The following NRXN1 variants were observed in gnomAD, a reference collection of about 807,000 sequenced individuals.
NRXN1 encodes the protein neurexin-1.
A neutral mutation model predicts 150.9 loss-of-function variants in NRXN1; 39 were observed. The ratio of observed to expected loss-of-function variants is 0.26; its 90% CI spans 0.20 to 0.34. The LOEUF is 0.34. Ranked by LOEUF, NRXN1 falls within the 10% of genes least tolerant of loss-of-function variation. The pLI is 1.00. For synonymous variants in NRXN1, 924 were observed against 757.0 expected (o/e 1.22, Z -3.62); for missense variants, 1,815 against 1,949.9 (o/e 0.93, Z 1.30).
intron 21 of NRXN1, among the ~76,000 whole-genome samples, chr2:50,025,696 G>C (rs1326745772): frequency 6.6e-6 from 1 of 152,192 alleles, no homozygotes; most frequent in African/African-American, 2.4e-5. Flanking sequence ...ATAGTGCCAG[G>C]AATGTTGCAT....
At chr2:50,727,812 G>A (rs924630805) in intron 5 of NRXN1, among the ~76,000 whole-genome samples, 1 of 152,056 alleles carries the variant, frequency 6.6e-6, no homozygotes, top group African/African-American at 2.4e-5. Context: ...AGGAGACAGG[G>A]GTTTTGAATA....
At chr2:51,029,263 C>G (rs916600145) in intron 1 of NRXN1, 69 bp from the exon 2 acceptor site, 2 of 152,212 alleles carry the variant, frequency 1.3e-5, no homozygotes, top group African/African-American at 4.8e-5. Context: ...TTATTCAGCT[C>G]ATAACACAAG....
intron 5 of NRXN1, among the ~76,000 whole-genome samples, chr2:50,746,559 AAACAACAACAACAACAACAAC>A (rs77543976): frequency 2.7e-5 from 4 of 149,064 alleles, no homozygotes; most frequent in Admixed American, 1.3e-4. Flanking sequence ...CCCTGTCTCA[AAACAACAACAACAACAACAAC>A]AACAACAACA....
chr2:50,844,915 G>A (rs968346110), intron 5 of NRXN1, among the ~76,000 whole-genome samples: 16 of 151,862 alleles, frequency 1.1e-4, no homozygotes, highest in East Asian at 1.9e-4. Context: ...GTGCAGTGGC[G>A]TGATCACAGT....
chr2:50,560,846 GATA>G (rs573813227), intron 8 of NRXN1, among the ~76,000 whole-genome samples: 2 of 152,202 alleles, frequency 1.3e-5, no homozygotes, highest in South Asian at 2.1e-4. Flanking sequence ...ACCATGTACA[GATA>G]ATATTTTCAA....
At chr2:50,854,589 CTTA>C (rs1463888893) in intron 5 of NRXN1, among the ~76,000 whole-genome samples, 2 of 152,060 alleles carry the variant, frequency 1.3e-5, no homozygotes, top group African/African-American at 2.4e-5. Flanking sequence ...TCATGAAAAA[CTTA>C]TTATAGTTCG....
intron 21 of NRXN1, among the ~76,000 whole-genome samples, chr2:50,051,254 T>A (rs1401710444): frequency 6.6e-6 from 1 of 152,028 alleles, no homozygotes; most frequent in Non-Finnish European, 1.5e-5. Context: ...AAAATAATAT[T>A]TCTTAATATA....
Position 50,449,162 on chromosome 2 carries a change from G to A in NRXN1, c.3364+16280C>T, listed in dbSNP as rs529412467. Among the ~76,000 whole-genome samples the A allele has an allele frequency of 5.1e-4, 78 of 152,274 alleles. 3 individuals are homozygous for A. In the South Asian group the frequency reaches 0.016, roughly 32 times the overall value. The stretch of plus-strand genomic sequence containing the variant: ...TATTATTTCTAATGCATAGACGCAG[G>A]AATGCAGGAATTGTCTTCACTTGTA... On this transcript the variant is annotated intron_variant, in intron 17 of 22. Coordinates refer to ENST00000401669, the MANE Select transcript of NRXN1 (RefSeq NM_001330078.2).
rs17039559 is a variant in NRXN1 at position 49,957,056 on chromosome 2, T to C, written c.4129-13265A>G. Among the ~76,000 whole-genome samples the C allele has an allele frequency of 4.4e-4, 67 of 152,192 alleles. No homozygotes were observed. In the East Asian group the frequency reaches 0.011, roughly 26 times the overall value. ...GGCATCCCTGCTTTGAATTGTGAAA[T>C]TGAACTTCAATGTGTAACAAATGCA... On this transcript the variant is annotated intron_variant, in intron 21 of 22. Coordinates refer to ENST00000401669, the MANE Select transcript of NRXN1 (RefSeq NM_001330078.2).
intron 5 of NRXN1, among the ~76,000 whole-genome samples, chr2:50,772,247 G>A (rs1260357219): frequency 6.6e-6 from 1 of 151,704 alleles, no homozygotes; most frequent in African/African-American, 2.4e-5. Context: ...ATAGGCTCCT[G>A]CAGCATACAA....
At chr2:50,502,753 T>C (rs1243329694) in intron 13 of NRXN1, among the ~76,000 whole-genome samples, 1 of 152,184 alleles carries the variant, frequency 6.6e-6, no homozygotes. Flanking sequence ...TATGTGTATG[T>C]TTATATGTAC....
At chr2:50,279,761 C>A (rs1343712369) in intron 17 of NRXN1, among the ~76,000 whole-genome samples, 1 of 152,072 alleles carries the variant, frequency 6.6e-6, no homozygotes, top group Non-Finnish European at 1.5e-5. Flanking sequence ...TGCCAAGAAT[C>A]ATTTTCAAAT....
In NRXN1 at chr2:50,654,547, T is replaced by C. The variant is rs868002867; in HGVS notation, c.833-30932A>G. On this transcript the variant is annotated intron_variant, in intron 5 of 22. Coordinates refer to ENST00000401669, the MANE Select transcript of NRXN1 (RefSeq NM_001330078.2). The stretch of plus-strand genomic sequence containing the variant: ...TATAATCCTTTGGGTACATACCCAG[T>C]AATGGGATGGCTGGGTCAAATGGTA... 7.2e-5 allele frequency among the ~76,000 whole-genome samples: 11 copies of C among 152,004 alleles called. 1 individual carries two copies. In the Middle Eastern group the frequency reaches 9.5e-3, roughly 131 times the overall value.
At chr2:50,074,059 G>A (rs1373294862) in intron 19 of NRXN1, among the ~76,000 whole-genome samples, 1 of 152,038 alleles carries the variant, frequency 6.6e-6, no homozygotes, top group Non-Finnish European at 1.5e-5. Flanking sequence ...AACCATAGAT[G>A]CTTTATTTGG....
intron 5 of NRXN1, among the ~76,000 whole-genome samples, chr2:50,775,201 T>A (rs558384937): frequency 6.6e-6 from 1 of 152,168 alleles, no homozygotes; most frequent in African/African-American, 2.4e-5. Context: ...CAAATAATAC[T>A]GTCTATCAGT....
chr2:50,782,030 C>T (rs1349895969), intron 5 of NRXN1, among the ~76,000 whole-genome samples: 1 of 152,070 alleles, frequency 6.6e-6, no homozygotes, highest in African/African-American at 2.4e-5. Flanking sequence ...GATATATTTT[C>T]TTCTGCTCTT....
intron 5 of NRXN1, among the ~76,000 whole-genome samples, chr2:50,661,263 A>C (rs1380861373): frequency 6.6e-6 from 1 of 152,036 alleles, no homozygotes; most frequent in Non-Finnish European, 1.5e-5. Flanking sequence ...CCACGGAAGA[A>C]AAGGTTCAGG....
chr2:50,417,021 G>C (rs1443618274), intron 17 of NRXN1: 1 of 152,108 alleles, frequency 6.6e-6, no homozygotes, highest in African/African-American at 2.4e-5. Context: ...TCAAAAAACA[G>C]TAACGGTTTC....
chr2:50,002,303 C>G (rs573097814), intron 21 of NRXN1, among the ~76,000 whole-genome samples: 1 of 152,066 alleles, frequency 6.6e-6, no homozygotes. Context: ...AGGGAGGAAA[C>G]GAAAAAGCTT....
Sources: allele counts gnomAD v4.1 joint callset (sites outside exome capture counted in the v4.1 genomes callset), GRCh38; gene constraint gnomAD v4.1.1; transcripts MANE v1.5; gene names NCBI Gene and HGNC (gene_info 2026-07-23, HGNC 2026-07-21).